Variants in RABGAP1L observed in about 807,000 individuals in gnomAD.
The protein encoded by RABGAP1L is rab GTPase-activating protein 1-like.
Under a neutral mutation model 137.7 loss-of-function variants are expected in RABGAP1L, and 63 were observed. The observed-to-expected ratio is 0.46, with a 90% CI of 0.37 to 0.56. The LOEUF (loss-of-function observed/expected upper bound fraction) is 0.56. Among genes scored for constraint, RABGAP1L ranks in the 20% least tolerant of loss-of-function variants. The probability of loss-of-function intolerance (pLI) is 0.00; values close to 1 mark genes in which losing one functional copy is unlikely to be tolerated. For missense variants in RABGAP1L, 1,095 were observed against 1,244.0 expected, an observed-to-expected ratio of 0.88 and a Z score of 1.80; for synonymous variants, 431 against 433.7, an observed-to-expected ratio of 0.99 and a Z score of 0.08.
At chr1:174,247,048 T>C (rs1390051179) in intron 5 of RABGAP1L, among the ~76,000 whole-genome samples, 1 of 152,214 alleles carries the variant, frequency 6.6e-6, no homozygotes. Flanking sequence ...TCCATCATTC[T>C]GTATCACTCT....
intron 10 of RABGAP1L, among the ~76,000 whole-genome samples, chr1:174,279,985 C>T (rs1294509166): frequency 1.3e-5 from 2 of 148,852 alleles, no homozygotes; most frequent in Non-Finnish European, 3.0e-5. Context: ...ATTATACCTC[C>T]TAGAGATCTG....
At chr1:174,224,704 A>G (rs1390716612) in intron 3 of RABGAP1L, among the ~76,000 whole-genome samples, 1 of 152,140 alleles carries the variant, frequency 6.6e-6, no homozygotes, top group Non-Finnish European at 1.5e-5. Context: ...CATACATTGA[A>G]AAACCTACCA....
At chr1:174,389,555 T>C (rs1687058988) in intron 12 of RABGAP1L, among the ~76,000 whole-genome samples, 1 of 152,132 alleles carries the variant, frequency 6.6e-6, no homozygotes, top group African/African-American at 2.4e-5. Flanking sequence ...GAAAATCCTC[T>C]TTGAAAGCAA....
intron 1 of RABGAP1L, among the ~76,000 whole-genome samples, chr1:174,185,006 G>A (rs920151770): frequency 6.6e-6 from 1 of 152,118 alleles, no homozygotes; most frequent in Admixed American, 6.5e-5. Flanking sequence ...TCAAGGTTGG[G>A]GTACAGTTGT....
intron 3 of RABGAP1L, among the ~76,000 whole-genome samples, chr1:174,223,566 T>C (rs1025318936): frequency 6.6e-6 from 1 of 151,848 alleles, no homozygotes; most frequent in Admixed American, 6.6e-5. Context: ...CAAAAATTTA[T>C]GTAAAATTTT....
chr1:174,197,951 C>A (rs1667819619), intron 1 of RABGAP1L, among the ~76,000 whole-genome samples: 1 of 151,898 alleles, frequency 6.6e-6, no homozygotes. Context: ...AAGATGGACC[C>A]AATAATTATT....
chr1:174,505,888 G>A (rs533511698), intron 13 of RABGAP1L, among the ~76,000 whole-genome samples: 1 of 152,252 alleles, frequency 6.6e-6, no homozygotes, highest in South Asian at 2.1e-4. Flanking sequence ...GCCAGGATAT[G>A]TCATCAACCT....
At chr1:174,387,445 GAAATA>G (rs1376036708) in intron 12 of RABGAP1L, among the ~76,000 whole-genome samples, 2 of 151,888 alleles carry the variant, frequency 1.3e-5, no homozygotes, top group Non-Finnish European at 2.9e-5. Flanking sequence ...AATGTACACA[GAAATA>G]AAATAATACA....
At chr1:174,745,853 C>G (rs1417373707) in intron 17 of RABGAP1L, among the ~76,000 whole-genome samples, 1 of 152,134 alleles carries the variant, frequency 6.6e-6, no homozygotes, top group Admixed American at 6.5e-5. Flanking sequence ...GGACAGAACC[C>G]CATTTCCTCT....
At position 174,559,921 on chromosome 1, in the gene RABGAP1L, G is replaced by A. The variant is rs376350889; in HGVS notation, c.1711-77454G>A. Among the ~76,000 whole-genome samples the A allele has an allele frequency of 9.8e-4, 149 of 152,298 alleles. 1 individual carries two copies. Among genetic ancestry groups the A allele is most frequent in the African/African-American group, 3.6e-3 (148 of 41,572 alleles). ...GAGGCCTAGGAGGGCAGATCATGAGGTCAGGAGTTCGAGACCAGCCTGGCC... is the reference window on the plus strand; with the variant it reads ...GAGGCCTAGGAGGGCAGATCATGAGATCAGGAGTTCGAGACCAGCCTGGCC... On this transcript the variant is annotated intron_variant, in intron 13 of 25. Coordinates refer to ENST00000681986, the MANE Select transcript of RABGAP1L (RefSeq NM_001366446.1).
At chr1:174,383,211 T>C (rs373013947) in intron 12 of RABGAP1L, among the ~76,000 whole-genome samples, 15 of 150,878 alleles carry the variant, frequency 9.9e-5, no homozygotes, top group African/African-American at 2.9e-4. Context: ...GACAGGGACA[T>C]TTAAGTCTGC....
intron 13 of RABGAP1L, among the ~76,000 whole-genome samples, chr1:174,587,223 C>A (rs1669182826): frequency 7.3e-6 from 1 of 137,060 alleles, no homozygotes; most frequent in South Asian, 2.2e-4. Flanking sequence ...GTGCATGTGT[C>A]TTTATAGCAG....
At chr1:174,176,742 A>T (rs1558005611) in intron 1 of RABGAP1L, among the ~76,000 whole-genome samples, 3 of 106,968 alleles carry the variant, frequency 2.8e-5, no homozygotes, top group Admixed American at 1.0e-4. Context: ...AAAAAAAAAA[A>T]AAAAGGTCAA....
At chr1:174,823,930 G>A (rs562142555) in intron 19 of RABGAP1L, among the ~76,000 whole-genome samples, 7 of 152,234 alleles carry the variant, frequency 4.6e-5, no homozygotes, top group East Asian at 3.9e-4. Context: ...ATACTTTGCC[G>A]ATCACTTGAG....
intron 13 of RABGAP1L, among the ~76,000 whole-genome samples, chr1:174,505,139 C>G (rs1224564832): frequency 1.3e-5 from 2 of 152,176 alleles, no homozygotes; most frequent in East Asian, 1.9e-4. Flanking sequence ...ATTTGCATAT[C>G]TTTACAGATT....
chr1:174,682,960 G>A (rs576105779), intron 14 of RABGAP1L, among the ~76,000 whole-genome samples: 3 of 152,070 alleles, frequency 2.0e-5, no homozygotes, highest in Admixed American at 6.5e-5. Flanking sequence ...GTTTGCCCCA[G>A]TGGTATAGAT....
chr1:174,622,568 G>A (rs1473369872), intron 13 of RABGAP1L, among the ~76,000 whole-genome samples: 3 of 152,132 alleles, frequency 2.0e-5, no homozygotes, highest in Non-Finnish European at 4.4e-5. Context: ...CATGGATGAA[G>A]TTGGAAACCA....
At chr1:174,286,521 C>T (rs1189282289) in intron 10 of RABGAP1L, among the ~76,000 whole-genome samples, 2 of 151,652 alleles carry the variant, frequency 1.3e-5, no homozygotes, top group African/African-American at 2.4e-5. Flanking sequence ...TTAGTTTTGT[C>T]CATCTTTTCT....
At chr1:174,902,098 C>A (rs1274202722) in intron 19 of RABGAP1L, among the ~76,000 whole-genome samples, 5 of 152,094 alleles carry the variant, frequency 3.3e-5, no homozygotes, top group African/African-American at 1.2e-4. Context: ...TTTTGCCAGC[C>A]CACACACACC....
Sources: gnomAD v4.1 joint callset for allele counts (sites outside exome capture counted in the v4.1 genomes callset) on GRCh38, gnomAD v4.1.1 for gene constraint, MANE v1.5 for transcripts, NCBI Gene and HGNC (gene_info 2026-07-23, HGNC 2026-07-21) for gene names.